MAP4K3: variants seen among roughly 807,000 people sequenced by gnomAD.
MAP4K3 encodes the protein MAPK/ERK kinase kinase kinase 3.
MAP4K3 carries 94 observed loss-of-function variants against 143.5 expected under a neutral mutation model. The observed-to-expected ratio is 0.65, with a 90% confidence interval of 0.55 to 0.78. The LOEUF (loss-of-function observed/expected upper bound fraction) is 0.78, where lower values mean the gene tolerates loss of function less well. MAP4K3 is among the 30% of genes least tolerant of loss of function. The pLI, the probability that MAP4K3 is intolerant of heterozygous loss-of-function variation, is 0.00. For missense variants in MAP4K3, 1,077 were observed against 1,068.1 expected (o/e 1.01, Z -0.12); for synonymous variants, 416 against 347.2 (o/e 1.20, Z -2.20).
chr2:39,331,688 T>C (rs1683686208), intron 8 of MAP4K3, among the ~76,000 whole-genome samples: 1 of 152,114 alleles, frequency 6.6e-6, no homozygotes, highest in Admixed American at 6.6e-5. Context: ...TTAAGGTTTC[T>C]GAAAGCCATA....
chr2:39,263,319 C>T (rs1370474255), intron 28 of MAP4K3, among the ~76,000 whole-genome samples: 7 of 142,518 alleles, frequency 4.9e-5, no homozygotes, highest in East Asian at 2.1e-4. Context: ...GTGGCCCAGG[C>T]GGGAGTGCAG....
rs558929333 is a variant in MAP4K3, at chr2:39,303,980, T to C, written c.1119+3963A>G. 2.6e-3 allele frequency among the ~76,000 whole-genome samples: 389 copies of C among 152,288 alleles called. 1 individual carries two copies. Among genetic ancestry groups the C allele is most frequent in the Non-Finnish European group, 4.6e-3 (311 of 68,004 alleles). ...GTAATATAATCTTTTAATCTGCAGATAGCATTTTGCAGATCAGACAAACTG... is the reference window on the plus strand; with the variant it reads ...GTAATATAATCTTTTAATCTGCAGACAGCATTTTGCAGATCAGACAAACTG... On this transcript the variant is annotated intron_variant, in intron 15 of 33. Transcript: ENST00000263881.
At chr2:39,349,389 C>T (rs1456014322) in intron 3 of MAP4K3, among the ~76,000 whole-genome samples, 2 of 152,124 alleles carry the variant, frequency 1.3e-5, no homozygotes, top group Non-Finnish European at 2.9e-5. Flanking sequence ...CAGGGGGATA[C>T]AAGCTGATCT....
intron 2 of MAP4K3, among the ~76,000 whole-genome samples, chr2:39,363,150 G>C (rs1213901939): frequency 6.6e-6 from 1 of 152,070 alleles, no homozygotes; most frequent in South Asian, 2.1e-4. Flanking sequence ...TATTAGTCTT[G>C]GCAATTATTA....
chr2:39,397,254 G>C (rs1381764859), intron 1 of MAP4K3, among the ~76,000 whole-genome samples: 2 of 151,956 alleles, frequency 1.3e-5, no homozygotes, highest in East Asian at 3.9e-4. Context: ...ACAATATTAA[G>C]AATTAGTGAC....
intron 31 of MAP4K3, among the ~76,000 whole-genome samples, chr2:39,255,515 T>C (rs1266692559): frequency 1.3e-5 from 2 of 152,210 alleles, no homozygotes; most frequent in Non-Finnish European, 2.9e-5. Context: ...CATGTGGGTC[T>C]ATTTCTGGGC....
At chr2:39,360,321 A>C (rs1665731329) in intron 2 of MAP4K3, among the ~76,000 whole-genome samples, 1 of 152,256 alleles carries the variant, frequency 6.6e-6, no homozygotes, top group Non-Finnish European at 1.5e-5. Context: ...TTTATTGTCC[A>C]TATCACTATC....
chr2:39,359,288 A>T (rs933634583), intron 2 of MAP4K3, among the ~76,000 whole-genome samples: 2 of 152,132 alleles, frequency 1.3e-5, no homozygotes, highest in South Asian at 2.1e-4. Context: ...ATTAAATCTT[A>T]AAGTTCCAAA....
intron 3 of MAP4K3, among the ~76,000 whole-genome samples, chr2:39,344,889 A>G (rs1665242166): frequency 6.6e-6 from 1 of 152,194 alleles, no homozygotes; most frequent in East Asian, 1.9e-4. Flanking sequence ...GACTGCCTGA[A>G]GAGACAGTAG....
At chr2:39,365,666 G>A (rs561221016) in intron 2 of MAP4K3, among the ~76,000 whole-genome samples, 1 of 150,866 alleles carries the variant, frequency 6.6e-6, no homozygotes, top group Non-Finnish European at 1.5e-5. Context: ...GGATGGTCTC[G>A]ATCTCCTGAC....
intron 2 of MAP4K3, among the ~76,000 whole-genome samples, chr2:39,358,320 C>T (rs1045097603): frequency 1.3e-5 from 2 of 152,052 alleles, no homozygotes; most frequent in Non-Finnish European, 2.9e-5. Flanking sequence ...ATCTTTGTAC[C>T]CCTAGTACCA....
At chr2:39,434,263 TAAG>T (rs1428714983) in intron 1 of MAP4K3, among the ~76,000 whole-genome samples, 1 of 152,096 alleles carries the variant, frequency 6.6e-6, no homozygotes, top group Non-Finnish European at 1.5e-5. Flanking sequence ...TTTGTATAAA[TAAG>T]AAAAAACTAA....
intron 24 of MAP4K3, among the ~76,000 whole-genome samples, chr2:39,272,907 A>G (rs1292595793): frequency 1.3e-5 from 2 of 152,068 alleles, no homozygotes; most frequent in Non-Finnish European, 2.9e-5. Flanking sequence ...ACTCCTCCCA[A>G]AATAGACGTA....
At chr2:39,389,826 T>G (rs1017453158) in intron 1 of MAP4K3, among the ~76,000 whole-genome samples, 12 of 152,072 alleles carry the variant, frequency 7.9e-5, no homozygotes, top group Admixed American at 7.9e-4. Context: ...ATGCAAGGAG[T>G]ATCAAATAAA....
intron 2 of MAP4K3, among the ~76,000 whole-genome samples, chr2:39,375,759 A>C (rs1225274515): frequency 6.6e-6 from 1 of 152,170 alleles, no homozygotes; most frequent in Non-Finnish European, 1.5e-5. Flanking sequence ...TTGTTAGTCC[A>C]CCTCGTCCCC....
At chr2:39,374,283 T>G (rs1032446602) in intron 2 of MAP4K3, among the ~76,000 whole-genome samples, 3 of 151,918 alleles carry the variant, frequency 2.0e-5, no homozygotes, top group African/African-American at 7.3e-5. Context: ...TCATGAAGAT[T>G]GCTTGAACCC....
At chr2:39,312,173 G>C (rs1049402517) in intron 13 of MAP4K3, among the ~76,000 whole-genome samples, 4 of 152,130 alleles carry the variant, frequency 2.6e-5, no homozygotes, top group Non-Finnish European at 5.9e-5. Flanking sequence ...AAACTAGCCA[G>C]AGTAGACACA....
At chr2:39,342,108 G>GTATTATTAT (rs113261872) in intron 4 of MAP4K3, among the ~76,000 whole-genome samples, 10 of 143,152 alleles carry the variant, frequency 7.0e-5, no homozygotes, top group East Asian at 4.1e-4. Flanking sequence ...TGTCTTTCTA[G>GTATTATTAT]TATTATTATT....
In MAP4K3 at chr2:39,250,159, C is replaced by G. The variant is rs1680093815; in HGVS notation, c.*459G>C. ...TACTAAATTACATATAATAAAAATA[C>G]AATAGTGTTAAATGTATTGTTTCAT... On this transcript the variant is annotated 3_prime_UTR_variant, in exon 34 of 34. Coordinates refer to ENST00000263881, the MANE Select transcript of MAP4K3 (RefSeq NM_003618.4). 1 of 152,634 alleles carries G rather than the reference C, an allele frequency of 6.6e-6. No individual in the cohort carries two copies. The highest frequency in any genetic ancestry group is 1.5e-5 in the Non-Finnish European group (1 of 68,084). The allele number at this position is 152,634 out of a possible 1,614,324, so 9.5% of individuals were successfully genotyped here.
Sources: gnomAD v4.1 joint callset for allele counts (sites outside exome capture counted in the v4.1 genomes callset) on GRCh38, gnomAD v4.1.1 for gene constraint, MANE v1.5 for transcripts, NCBI Gene and HGNC (gene_info 2026-07-23, HGNC 2026-07-21) for gene names.